The following CHRM3 variants were observed in gnomAD, a reference collection of about 807,000 sequenced individuals.
CHRM3 encodes muscarinic acetylcholine receptor M3.
In CHRM3, 11 loss-of-function variants were observed where a neutral mutation model predicts 41.8. That is an observed-to-expected ratio of 0.26 (90% CI 0.17 to 0.44). The LOEUF (loss-of-function observed/expected upper bound fraction) is 0.44, where lower values mean the gene tolerates loss of function less well. CHRM3 is among the 20% of genes least tolerant of loss of function. The pLI, the probability that CHRM3 is intolerant of heterozygous loss-of-function variation, is 1.00. For missense variants in CHRM3, 571 were observed against 745.4 expected, an observed-to-expected ratio of 0.77 and a Z score of 2.72; for synonymous variants, 297 against 301.4, an observed-to-expected ratio of 0.99 and a Z score of 0.15.
At chr1:239,716,670 C>T (rs113919120) in intron 5 of CHRM3, among the ~76,000 whole-genome samples, 6 of 151,712 alleles carry the variant, frequency 4.0e-5, no homozygotes, top group African/African-American at 1.5e-4. Context: ...GAAAGCTAAC[C>T]AGTGGGTCCT....
chr1:239,541,359 G>A (rs16838467), intron 2 of CHRM3, among the ~76,000 whole-genome samples: 6,159 of 152,062 alleles, frequency 0.041, 443 homozygotes, highest in African/African-American at 0.14. Context: ...AAGAAATGAG[G>A]GAATGTCGTT....
At chr1:239,809,992 T>C (rs548080571) in intron 5 of CHRM3, among the ~76,000 whole-genome samples, 2 of 152,334 alleles carry the variant, frequency 1.3e-5, no homozygotes, top group African/African-American at 4.8e-5. Context: ...TGCAGATCTT[T>C]ATCTTGAGAC....
chr1:239,565,502 T>C (rs748362772), intron 3 of CHRM3, among the ~76,000 whole-genome samples: 3 of 152,204 alleles, frequency 2.0e-5, no homozygotes, highest in Non-Finnish European at 4.4e-5. Flanking sequence ...GAAGTCATAC[T>C]ATGAAACTGT....
chr1:239,529,171 T>C lies in CHRM3; in HGVS notation c.-421-16470T>C, dbSNP rs557885776. Reference sequence around the variant, plus strand: ...AAAGAAATGCATGTGAGTCTTGTTTTGTTTTTGGAGGTGATACATCACACC... The same window carrying C: ...AAAGAAATGCATGTGAGTCTTGTTTCGTTTTTGGAGGTGATACATCACACC... On this transcript the variant is annotated intron_variant, in intron 2 of 6. Transcript: ENST00000676153. 2.8e-3 allele frequency among the ~76,000 whole-genome samples: 429 copies of C among 152,326 alleles called. 4 individuals carry two copies. The highest frequency in any genetic ancestry group is 9.6e-3 in the African/African-American group (399 of 41,578).
chr1:239,486,754 TC>T (rs1667207897), intron 1 of CHRM3, among the ~76,000 whole-genome samples: 1 of 152,196 alleles, frequency 6.6e-6, no homozygotes, highest in Non-Finnish European at 1.5e-5. Flanking sequence ...TCCTGAACTT[TC>T]TGCTCTCTGA....
chr1:239,689,495 G>A (rs1659503457), intron 5 of CHRM3, among the ~76,000 whole-genome samples: 2 of 152,064 alleles, frequency 1.3e-5, no homozygotes, highest in South Asian at 2.1e-4. Flanking sequence ...AAATAGCAGC[G>A]TTTGTGAAAT....
chr1:239,771,014 G>A (rs538037546), intron 5 of CHRM3, among the ~76,000 whole-genome samples: 4 of 151,812 alleles, frequency 2.6e-5, no homozygotes, highest in African/African-American at 9.7e-5. Flanking sequence ...CTTTAACCTG[G>A]GAGGCAGAGG....
chr1:239,408,155 G>GT (rs35060125), intron 1 of CHRM3: 3,539 of 152,198 alleles, frequency 0.023, 67 homozygotes, highest in Middle Eastern at 0.048. Context: ...AGATCTGATG[G>GT]TTTTTTAAGC....
At chr1:239,415,611 G>A (rs1457089630) in intron 1 of CHRM3, among the ~76,000 whole-genome samples, 2 of 152,156 alleles carry the variant, frequency 1.3e-5, no homozygotes, top group Non-Finnish European at 2.9e-5. Context: ...ATTTAACATA[G>A]CTAAAGGTGT....
rs567441818 is a variant in CHRM3 at position 239,913,813 on chromosome 1, A to T, written c.*4589A>T. 1.2e-5 allele frequency: 2 copies of T among 167,252 alleles called. No individual in the cohort carries two copies. The highest frequency in any genetic ancestry group is 4.1e-4 in the South Asian group (2 of 4,830). The allele number at this position is 167,252 out of a possible 1,614,324, so 10.4% of individuals were successfully genotyped here. A position where few individuals can be genotyped will look rare whatever the true frequency, so the allele number is the denominator to read the frequency against. On this transcript the variant is annotated 3_prime_UTR_variant, in exon 7 of 7. Transcript: ENST00000676153. ...AGCAAGTGTTAGTATTATTAGGCAC[A>T]CATCACGTTCACAGCTTCGCGCAGA...
At chr1:239,885,286 G>A (rs1677973350) in intron 6 of CHRM3, among the ~76,000 whole-genome samples, 1 of 152,128 alleles carries the variant, frequency 6.6e-6, no homozygotes, top group Admixed American at 6.5e-5. Flanking sequence ...CTGGAAGGAA[G>A]GCCTGTTAAA....
intron 2 of CHRM3, among the ~76,000 whole-genome samples, chr1:239,522,299 G>A (rs1056775174): frequency 1.3e-5 from 2 of 152,210 alleles, no homozygotes; most frequent in African/African-American, 2.4e-5. Context: ...AGGGTCACAT[G>A]GAGACAAGTT....
chr1:239,655,666 C>G (rs1166229611), intron 4 of CHRM3, among the ~76,000 whole-genome samples: 1 of 152,162 alleles, frequency 6.6e-6, no homozygotes, highest in Non-Finnish European at 1.5e-5. Flanking sequence ...TACTGTCCAT[C>G]TGACTTTTCA....
At chr1:239,414,050 C>G (rs151139224) in intron 1 of CHRM3, among the ~76,000 whole-genome samples, 2 of 152,098 alleles carry the variant, frequency 1.3e-5, no homozygotes, top group Non-Finnish European at 2.9e-5. Flanking sequence ...AGGCCCTTGT[C>G]GTTTGTAAAG....
chr1:239,561,980 G>A (rs141839499), intron 3 of CHRM3, among the ~76,000 whole-genome samples: 1,893 of 151,950 alleles, frequency 0.012, 46 homozygotes, highest in African/African-American at 0.043. Context: ...CTTTCCCGTC[G>A]TCCATTGTAC....
At chr1:239,765,707 G>A (rs1667145009) in intron 5 of CHRM3, among the ~76,000 whole-genome samples, 1 of 152,082 alleles carries the variant, frequency 6.6e-6, no homozygotes, top group South Asian at 2.1e-4. Context: ...GTTAAAAAGG[G>A]CCTCAAGCAG....
At chr1:239,772,909 C>T (rs1667806188) in intron 5 of CHRM3, among the ~76,000 whole-genome samples, 1 of 152,182 alleles carries the variant, frequency 6.6e-6, no homozygotes, top group African/African-American at 2.4e-5. Flanking sequence ...TATTTTTCAT[C>T]TCCACTGTCA....
intron 3 of CHRM3, among the ~76,000 whole-genome samples, chr1:239,551,141 A>ATTTT (rs1471748023): frequency 2.7e-5 from 2 of 73,776 alleles, no homozygotes; most frequent in African/African-American, 1.2e-4. Context: ...AAGTGTTACC[A>ATTTT]TTCTTTTTTT....
chr1:239,404,350 G>GGAAGGA (rs1660269681), intron 1 of CHRM3, among the ~76,000 whole-genome samples: 1 of 68,702 alleles, frequency 1.5e-5, no homozygotes, highest in African/African-American at 5.9e-5. Context: ...GAAAGAGAAA[G>GGAAGGA]AGAAAGAAAG....
Sources: allele counts gnomAD v4.1 joint callset (sites outside exome capture counted in the v4.1 genomes callset), GRCh38; gene constraint gnomAD v4.1.1; transcripts MANE v1.5; gene names NCBI Gene and HGNC (gene_info 2026-07-23, HGNC 2026-07-21).